GLRA3: variants seen among roughly 807,000 people sequenced by gnomAD.
GLRA3 encodes the protein glycine receptor subunit alpha-3.
Under a neutral mutation model 60.4 loss-of-function variants are expected in GLRA3, and 44 were observed. The observed-to-expected ratio is 0.73, with a 90% CI of 0.57 to 0.94. The LOEUF is 0.94. Among genes scored for constraint, GLRA3 ranks in the 40% least tolerant of loss-of-function variants. The pLI is 0.00. For synonymous variants in GLRA3, 223 were observed against 192.9 expected (o/e 1.16, Z -1.29); for missense variants, 508 against 564.6 (o/e 0.90, Z 1.02).
At chr4:174,743,424 A>T (rs900588586) in intron 3 of GLRA3, among the ~76,000 whole-genome samples, 1 of 151,284 alleles carries the variant, frequency 6.6e-6, no homozygotes, top group Non-Finnish European at 1.5e-5. Context: ...TCTGTCTTTC[A>T]TATCCTTAAC....
rs979663223 is a variant in GLRA3, at chr4:174,640,764, A to C, written c.*3022T>G. 3 of 152,074 alleles carry C rather than the reference A, an allele frequency of 2.0e-5. No individual in the cohort carries two copies. The highest frequency in any genetic ancestry group is 7.2e-5 in the African/African-American group (3 of 41,450). The allele number at this position is 152,074 out of a possible 1,614,324, so 9.4% of individuals were successfully genotyped here. ...TATACAAGCAATTAAATTCCAAATT[A>C]AGATAAAAGTTATTAGAATATATCA... On this transcript the variant is annotated 3_prime_UTR_variant, in exon 10 of 10. Coordinates refer to ENST00000274093, the MANE Select transcript of GLRA3 (RefSeq NM_006529.4).
At chr4:174,773,406 G>A (rs1008349530) in intron 2 of GLRA3, among the ~76,000 whole-genome samples, 10 of 151,692 alleles carry the variant, frequency 6.6e-5, no homozygotes, top group African/African-American at 1.5e-4. Flanking sequence ...TCTTGGCAAC[G>A]ATATTATTGT....
intron 4 of GLRA3, among the ~76,000 whole-genome samples, chr4:174,718,510 T>C (rs1204411910): frequency 6.6e-6 from 1 of 152,218 alleles, no homozygotes; most frequent in African/African-American, 2.4e-5. Flanking sequence ...ATTGACCTCA[T>C]TAAAATTCAA....
chr4:174,648,213 C>G (rs1041325113), intron 9 of GLRA3, among the ~76,000 whole-genome samples: 1 of 152,088 alleles, frequency 6.6e-6, no homozygotes, highest in Non-Finnish European at 1.5e-5. Flanking sequence ...CTAATCCTAG[C>G]ACTTTGAGAG....
intron 9 of GLRA3, among the ~76,000 whole-genome samples, chr4:174,647,852 A>G (rs1260960290): frequency 6.6e-6 from 1 of 152,214 alleles, no homozygotes; most frequent in Non-Finnish European, 1.5e-5. Context: ...TTCACAGCAC[A>G]TCTCAATTCA....
chr4:174,682,303 T>C (rs1156483478), intron 6 of GLRA3, among the ~76,000 whole-genome samples: 1 of 152,182 alleles, frequency 6.6e-6, no homozygotes, highest in Non-Finnish European at 1.5e-5. Flanking sequence ...TGTTGAGAAC[T>C]ATATCTGATA....
At chr4:174,819,817 T>G (rs1325000836) in intron 1 of GLRA3, among the ~76,000 whole-genome samples, 2 of 152,176 alleles carry the variant, frequency 1.3e-5, no homozygotes, top group South Asian at 4.1e-4. Flanking sequence ...AGAACTCTGA[T>G]AGGTGCAATA....
chr4:174,691,925 G>A lies in GLRA3; in HGVS notation c.575-8986C>T, dbSNP rs1327257456. 7.2e-5 allele frequency among the ~76,000 whole-genome samples: 11 copies of A among 151,754 alleles called. No individual in the cohort carries two copies. In the East Asian group the frequency reaches 1.4e-3, roughly 19 times the overall value. Reference sequence around the variant, plus strand: ...AAGTGAGGAGCTTCTCTGCCCGGCCGCCATCCCATCTAGGAAGTGAGGAGT... The same window carrying A: ...AAGTGAGGAGCTTCTCTGCCCGGCCACCATCCCATCTAGGAAGTGAGGAGT... On this transcript the variant is annotated intron_variant, in intron 5 of 9. Transcript: ENST00000274093.
chr4:174,807,226 C>A (rs866738733), intron 1 of GLRA3, among the ~76,000 whole-genome samples: 2 of 151,986 alleles, frequency 1.3e-5, no homozygotes, highest in Middle Eastern at 6.8e-3. Flanking sequence ...GTCTCTTATA[C>A]CATGAAAATA....
At chr4:174,656,717 AT>A in intron 9 of GLRA3, 25 bp downstream of exon 9, 1 of 1,317,484 alleles carries the variant, frequency 7.6e-7, no homozygotes, top group Non-Finnish European at 1.1e-6. Flanking sequence ...ACATTCCTCT[AT>A]TTAGAGTTAA....
intron 7 of GLRA3, among the ~76,000 whole-genome samples, chr4:174,660,426 T>C (rs1199254788): frequency 6.6e-6 from 1 of 152,156 alleles, no homozygotes; most frequent in Non-Finnish European, 1.5e-5. Context: ...TGATATTTCC[T>C]CATTTACATT....
intron 1 of GLRA3, among the ~76,000 whole-genome samples, chr4:174,805,585 A>G (rs547080537): frequency 6.6e-6 from 1 of 152,088 alleles, no homozygotes; most frequent in African/African-American, 2.4e-5. Context: ...CATAAACCTC[A>G]TGAAAGATTC....
intron 6 of GLRA3, among the ~76,000 whole-genome samples, chr4:174,678,799 A>G (rs1196436557): frequency 6.6e-6 from 1 of 152,248 alleles, no homozygotes; most frequent in African/African-American, 2.4e-5. Context: ...TATTAAATAT[A>G]AAGATTTAAA....
intron 9 of GLRA3, among the ~76,000 whole-genome samples, chr4:174,653,902 G>A (rs749790804): frequency 9.9e-5 from 15 of 152,104 alleles, no homozygotes; most frequent in South Asian, 2.1e-4. Context: ...AAATAGCTGC[G>A]TTTAACATAA....
At chr4:174,809,006 G>A (rs182081572) in intron 1 of GLRA3, among the ~76,000 whole-genome samples, 17 of 152,124 alleles carry the variant, frequency 1.1e-4, no homozygotes, top group Non-Finnish European at 1.8e-4. Flanking sequence ...TTAAAAATTC[G>A]ACACTAGTGT....
At chr4:174,765,920 T>C (rs989836555) in intron 3 of GLRA3, among the ~76,000 whole-genome samples, 3 of 151,322 alleles carry the variant, frequency 2.0e-5, no homozygotes, top group Non-Finnish European at 3.0e-5. Context: ...AAATGACTTA[T>C]ATTGCATACA....
At chr4:174,749,693 C>A (rs1228367143) in intron 3 of GLRA3, among the ~76,000 whole-genome samples, 1 of 151,992 alleles carries the variant, frequency 6.6e-6, no homozygotes, top group African/African-American at 2.4e-5. Flanking sequence ...ATTAAATTCT[C>A]ATATTAAGGC....
chr4:174,675,926 A>G (rs1285947087), intron 7 of GLRA3, among the ~76,000 whole-genome samples: 1 of 152,148 alleles, frequency 6.6e-6, no homozygotes, highest in Non-Finnish European at 1.5e-5. Context: ...AGCCATGACA[A>G]TAGATTTATA....
chr4:174,680,454 C>T (rs10471163), intron 6 of GLRA3, among the ~76,000 whole-genome samples: 27,072 of 152,074 alleles, frequency 0.18, 2,602 homozygotes, highest in East Asian at 0.34. Flanking sequence ...GCGTTTAACA[C>T]ATATTGTTAC....
Sources: gnomAD v4.1 joint callset for allele counts (sites outside exome capture counted in the v4.1 genomes callset) on GRCh38, gnomAD v4.1.1 for gene constraint, MANE v1.5 for transcripts, NCBI Gene and HGNC (gene_info 2026-07-23, HGNC 2026-07-21) for gene names.